CEP135: variants seen among roughly 807,000 people sequenced by gnomAD.
CEP135 encodes the protein centrosomal protein 135, also known as centrosomal protein of 135 kDa.
Under a neutral mutation model 157.3 loss-of-function variants are expected in CEP135, and 142 were observed. The observed-to-expected ratio is 0.90, with a 90% CI of 0.79 to 1.04. The LOEUF is 1.04. Among genes scored for constraint, CEP135 ranks in the 50% least tolerant of loss-of-function variants. The pLI, the probability that CEP135 is intolerant of heterozygous loss-of-function variation, is 0.00. For missense variants in CEP135, 1,317 were observed against 1,309.2 expected (o/e 1.01, Z -0.09); for synonymous variants, 396 against 439.8 (o/e 0.90, Z 1.25).
chr4:56,018,769 A>C (rs892938694), intron 22 of CEP135, among the ~76,000 whole-genome samples: 9 of 152,162 alleles, frequency 5.9e-5, no homozygotes, highest in Non-Finnish European at 1.0e-4. Flanking sequence ...CAAAAAAAAA[A>C]AGTAAGACTT....
At chr4:56,008,437 G>C in intron 18 of CEP135, 55 bp downstream of exon 18, 1 of 1,354,552 alleles carries the variant, frequency 7.4e-7, no homozygotes, top group Non-Finnish European at 1.0e-6. Context: ...AGTGAATACA[G>C]CTTTATCTAT....
Position 55,995,719 on chromosome 4 carries a change from C to T in CEP135, c.2010-3583C>T, listed in dbSNP as rs114877056. Among the ~76,000 whole-genome samples, 58 of 152,252 alleles carry T rather than the reference C, an allele frequency of 3.8e-4. No individual in the cohort carries two copies. The East Asian group carries it at 7.7e-3, about 20-fold the overall frequency. Reference sequence around the variant, plus strand: ...AACCATTTACACCACTCAGGCCTTACGGAAATTGGCATCCAGCTGTAGTTT... The same window carrying T: ...AACCATTTACACCACTCAGGCCTTATGGAAATTGGCATCCAGCTGTAGTTT... On this transcript the variant is annotated intron_variant, in intron 15 of 25. Transcript: ENST00000257287.
Position 56,017,581 on chromosome 4 carries a change from A to G in CEP135, c.2803-67A>G. 4 of 1,356,130 alleles carry G rather than the reference A, an allele frequency of 2.9e-6. 1 individual carries two copies. In the South Asian group the frequency reaches 5.9e-5, roughly 20 times the overall value. 84.0% of individuals were successfully genotyped at this position (1,356,130 alleles called of 1,614,324 possible). A position where few individuals can be genotyped will look rare whatever the true frequency, so the allele number is the denominator to read the frequency against. On this transcript the variant is annotated intron_variant, in intron 21 of 25. Transcript: ENST00000257287. The stretch of plus-strand genomic sequence containing the variant: ...TTTCTAAAGTGAGATTGTTGGCTGT[A>G]CAAATTCAAGTTCTTAAAATTATTG...
chr4:55,951,531 G>A (rs962317307), intron 1 of CEP135, among the ~76,000 whole-genome samples: 3 of 152,160 alleles, frequency 2.0e-5, no homozygotes, highest in East Asian at 1.9e-4. Context: ...ACACCTATGC[G>A]AGGTGTCTGT....
intron 23 of CEP135, 112 bp downstream of exon 23, chr4:56,019,667 G>T: frequency 2.5e-6 from 2 of 791,222 alleles, no homozygotes; most frequent in Non-Finnish European, 3.9e-6. Flanking sequence ...CAGGTGCAGT[G>T]GCTCACACCT....
At chr4:55,961,748 G>A (rs1270984195) in intron 6 of CEP135, among the ~76,000 whole-genome samples, 1 of 92,978 alleles carries the variant, frequency 1.1e-5, no homozygotes, top group Middle Eastern at 0.014. Flanking sequence ...TGGGCAACAA[G>A]AGCGAAAACT....
In CEP135 at chr4:56,019,439, C is replaced by T. The variant is rs150201643; in HGVS notation, c.3099C>T (p.Leu1033=). 202 of 1,613,782 alleles carry T rather than the reference C, an allele frequency of 1.3e-4. No homozygotes were observed. The highest frequency in any genetic ancestry group is 9.2e-4 in the Admixed American group (55 of 59,988). The stretch of plus-strand genomic sequence containing the variant: ...ATGAGAGACATACAGTTAAAAACCT[C>T]GAATCATTGTTGGCTACAAACAGAG... ...LSNERHTVKN[L]ESLLATNRDK... Residue 1033 remains leucine (L), a synonymous_variant, in exon 23 of 26, where the codon CTC becomes CTT. Transcript: ENST00000257287.
intron 5 of CEP135, among the ~76,000 whole-genome samples, chr4:55,958,036 C>T (rs1177976425): frequency 2.6e-5 from 4 of 152,192 alleles, no homozygotes; most frequent in Non-Finnish European, 4.4e-5. Flanking sequence ...GCATTTCAAA[C>T]TGTAGAATAC....
rs145667829 is a variant in CEP135 at position 56,019,930 on chromosome 4, C to T, written c.3215+375C>T. Among the ~76,000 whole-genome samples, 13 of 152,282 alleles carry T rather than the reference C, an allele frequency of 8.5e-5. No homozygotes were observed. The East Asian group carries it at 1.9e-3, about 23-fold the overall frequency. ...CTCCATCCTGGGCGACAGAGCGAGA[C>T]GCTGTCCCAAAACCAAAATATTTGG... On this transcript the variant is annotated intron_variant, in intron 23 of 25. Coordinates refer to ENST00000257287, the MANE Select transcript of CEP135 (RefSeq NM_025009.5).
At chr4:56,016,072 G>T (rs1002065991) in intron 21 of CEP135, among the ~76,000 whole-genome samples, 17 of 152,168 alleles carry the variant, frequency 1.1e-4, no homozygotes, top group Non-Finnish European at 2.4e-4. Flanking sequence ...CTTCAAAGAT[G>T]AGGGAAATTT....
intron 6 of CEP135, among the ~76,000 whole-genome samples, chr4:55,962,169 G>A (rs1011776128): frequency 1.3e-5 from 2 of 151,804 alleles, no homozygotes; most frequent in African/African-American, 2.4e-5. Context: ...GCGCGATCTC[G>A]GCTCACTGCA....
chr4:55,952,265 T>C, intron 2 of CEP135, 22 bp downstream of exon 2: 2 of 1,381,666 alleles, frequency 1.4e-6, no homozygotes, highest in Non-Finnish European at 2.1e-6. Context: ...AATACAGTTT[T>C]CAACCTTTAT....
rs2109655085 is a variant in CEP135 at position 55,964,319 on chromosome 4, G to A, written c.745G>A (p.Asp249Asn). ...REIERLSVAL[D>N]GGRSPDVLSL... ...GATAGAACGACTGTCAGTTGCTTTG[G>A]ATGGTGGTCGGTCCCCTGATGTCCT... Residue 249 changes from aspartate to asparagine, a missense_variant, in exon 7 of 26, where the codon GAT (aspartate) becomes AAT (asparagine). Asp to Asn is a conservative substitution (Grantham distance 23). Coordinates refer to ENST00000257287, the MANE Select transcript of CEP135 (RefSeq NM_025009.5). The A allele has an allele frequency of 6.2e-7, 1 of 1,613,512 alleles. No individual in the cohort carries two copies. The highest frequency in any genetic ancestry group is 1.1e-5 in the South Asian group (1 of 91,026).
intron 6 of CEP135, 90 bp from the exon 7 acceptor site, chr4:55,964,184 A>G: frequency 7.7e-7 from 1 of 1,301,044 alleles, no homozygotes; most frequent in South Asian, 1.6e-5. Flanking sequence ...TTGGTACATA[A>G]GAAAATATAT....
chr4:55,999,147 A>G (rs1182835124), intron 15 of CEP135, among the ~76,000 whole-genome samples, 155 bp from the exon 16 acceptor site: 3 of 152,244 alleles, frequency 2.0e-5, no homozygotes, highest in Non-Finnish European at 4.4e-5. Flanking sequence ...AAATAATAAT[A>G]TATAATGCCA....
chr4:55,952,093 A>G lies in CEP135; in HGVS notation c.-38A>G. 9.3e-7 allele frequency: 1 copy of G among 1,069,746 alleles called. No individual in the cohort carries two copies. Among genetic ancestry groups the G allele is most frequent in the Non-Finnish European group, 1.4e-6 (1 of 709,354 alleles). The allele number at this position is 1,069,746 out of a possible 1,614,324, so 66.3% of individuals were successfully genotyped here. A position where few individuals can be genotyped will look rare whatever the true frequency, so the allele number is the denominator to read the frequency against. ...TTCATTCTTTTCTCTCAGGACTTTAATTTTTGGAAGTGAATAAAACTTGTT... is the reference window on the plus strand; with the variant it reads ...TTCATTCTTTTCTCTCAGGACTTTAGTTTTTGGAAGTGAATAAAACTTGTT... On this transcript the variant is annotated 5_prime_UTR_variant, in exon 2 of 26. An upstream open reading frame in the 5' UTR loses its in-frame stop. Coordinates refer to ENST00000257287, the MANE Select transcript of CEP135 (RefSeq NM_025009.5).
At chr4:55,952,457 TTC>T in intron 2 of CEP135, 1 of 357,132 alleles carries the variant, frequency 2.8e-6, no homozygotes, top group Non-Finnish European at 5.1e-6. Flanking sequence ...AAGTCAACAT[TTC>T]TGGGGGTTTT....
chr4:55,958,623 G>A (rs917566957), intron 5 of CEP135, among the ~76,000 whole-genome samples: 2 of 152,040 alleles, frequency 1.3e-5, no homozygotes, highest in African/African-American at 2.4e-5. Flanking sequence ...ATTTATATAT[G>A]CACATTTTGT....
At chr4:56,010,657 C>A (rs1356690896) in intron 19 of CEP135, among the ~76,000 whole-genome samples, 1 of 152,052 alleles carries the variant, frequency 6.6e-6, no homozygotes, top group East Asian at 1.9e-4. Context: ...CCAAAATACA[C>A]CTGTAGATAA....
Sources: allele counts gnomAD v4.1 joint callset (sites outside exome capture counted in the v4.1 genomes callset), GRCh38; gene constraint gnomAD v4.1.1; transcripts MANE v1.5; gene names NCBI Gene and HGNC (gene_info 2026-07-23, HGNC 2026-07-21).